Variants in HIVEP1 observed in about 807,000 individuals in gnomAD.
HIVEP1 encodes HIVEP zinc finger 1, also known as zinc finger protein 40.
A neutral mutation model predicts 180.0 loss-of-function variants in HIVEP1; 36 were observed. The observed-to-expected ratio is 0.20, with a 90% CI of 0.15 to 0.26. The LOEUF (loss-of-function observed/expected upper bound fraction) is 0.26, where lower values mean the gene tolerates loss of function less well. HIVEP1 is among the 10% of genes least tolerant of loss of function. HIVEP1 has a pLI of 1.00. For synonymous variants in HIVEP1, 1,239 were observed against 1,239.0 expected (o/e 1.00, Z 0.00); for missense variants, 3,143 against 3,268.7 (o/e 0.96, Z 0.94).
chr6:12,042,180 C>G (rs557526817), intron 2 of HIVEP1, among the ~76,000 whole-genome samples: 4 of 149,512 alleles, frequency 2.7e-5, no homozygotes, highest in Admixed American at 1.3e-4. Context: ...CCCGGGTTCA[C>G]GCCATTCTCC....
At chr6:12,199,148 T>C in the HIVEP1 span, among the ~76,000 whole-genome samples, 3 of 152,218 alleles carry the variant, frequency 2.0e-5, no homozygotes, top group African/African-American at 7.2e-5. Flanking sequence ...TAATTGCTTA[T>C]TTGTTCATGG....
intron 2 of HIVEP1, among the ~76,000 whole-genome samples, chr6:12,084,419 T>G (rs1424467018): frequency 1.3e-5 from 2 of 152,158 alleles, no homozygotes; most frequent in Non-Finnish European, 2.9e-5. Context: ...TAAAATGGGT[T>G]GATTGTAAAG....
chr6:12,167,567 G>GTTATATTA (rs1562023362), downstream of HIVEP1, among the ~76,000 whole-genome samples: 2 of 2,726 alleles, frequency 7.3e-4, 1 homozygote, highest in African/African-American at 3.6e-3. Flanking sequence ...TATATTACAT[G>GTTATATTA]CATGTTATAT....
chr6:12,036,083 T>C (rs1296703395), intron 2 of HIVEP1, among the ~76,000 whole-genome samples: 2 of 152,234 alleles, frequency 1.3e-5, no homozygotes, highest in African/African-American at 4.8e-5. Flanking sequence ...CCAGGGCTGC[T>C]GAGGTTGTGT....
intron 2 of HIVEP1, among the ~76,000 whole-genome samples, chr6:12,041,502 T>A (rs1769721274): frequency 6.8e-6 from 1 of 147,514 alleles, no homozygotes; most frequent in Admixed American, 6.7e-5. Flanking sequence ...CTAGCTTACA[T>A]GTTTTTTTTT....
At chr6:12,059,282 C>T (rs751521741) in intron 2 of HIVEP1, among the ~76,000 whole-genome samples, 2 of 152,226 alleles carry the variant, frequency 1.3e-5, no homozygotes, top group African/African-American at 4.8e-5. Flanking sequence ...AAGTGATCCA[C>T]CTGCCTCGGC....
chr6:12,122,332 G>T lies in HIVEP1; in HGVS notation c.2537G>T (p.Gly846Val). The change falls in exon 4 of 9, where the codon GGT becomes GTT. Residue 846 changes from glycine to valine, a missense_variant. Coordinates refer to ENST00000379388, the MANE Select transcript of HIVEP1 (RefSeq NM_002114.4). ...ITRSNSMPTT[G>V]YSAVPANIIP... The stretch of plus-strand genomic sequence containing the variant: ...AGAAGTAATTCCATGCCGACCACAG[G>T]TTATTCAGCAGTACCTGCAAATATA... 1 of 1,614,186 alleles carries T rather than the reference G, an allele frequency of 6.2e-7. No homozygotes were observed. Among genetic ancestry groups the T allele is most frequent in the Non-Finnish European group, 8.5e-7 (1 of 1,180,032 alleles).
At chr6:12,103,613 A>G (rs895789585) in intron 3 of HIVEP1, among the ~76,000 whole-genome samples, 1 of 151,916 alleles carries the variant, frequency 6.6e-6, no homozygotes, top group Non-Finnish European at 1.5e-5. Flanking sequence ...AGCTGTTATT[A>G]TATTTAATAT....
At chr6:12,132,382 T>C (rs1758468676) in intron 6 of HIVEP1, among the ~76,000 whole-genome samples, 1 of 152,056 alleles carries the variant, frequency 6.6e-6, no homozygotes, top group Non-Finnish European at 1.5e-5. Flanking sequence ...TGTTATCAAA[T>C]ACAAGAAGAT....
intron 2 of HIVEP1, among the ~76,000 whole-genome samples, chr6:12,074,275 A>G (rs929084949): frequency 6.6e-6 from 1 of 152,104 alleles, no homozygotes; most frequent in South Asian, 2.1e-4. Flanking sequence ...TTTCCTGTCT[A>G]CTCTCTTCCA....
chr6:12,150,646 A>G (rs375049423), intron 7 of HIVEP1, among the ~76,000 whole-genome samples: 4 of 152,302 alleles, frequency 2.6e-5, no homozygotes, highest in East Asian at 1.9e-4. Flanking sequence ...TGAAACCATA[A>G]TAGGCTTTAG....
intron 2 of HIVEP1, among the ~76,000 whole-genome samples, chr6:12,045,152 A>C (rs1407954289): frequency 6.6e-6 from 1 of 152,160 alleles, no homozygotes; most frequent in East Asian, 1.9e-4. Context: ...AACCCTCGCC[A>C]TCTACTGGGC....
At chr6:12,207,371 T>C in the HIVEP1 span, among the ~76,000 whole-genome samples, 2 of 152,210 alleles carry the variant, frequency 1.3e-5, no homozygotes, top group African/African-American at 4.8e-5. Context: ...ATATGAATGT[T>C]CAATAAATAT....
intron 2 of HIVEP1, among the ~76,000 whole-genome samples, chr6:12,042,131 C>A (rs1215963942): frequency 1.4e-5 from 2 of 146,142 alleles, no homozygotes; most frequent in Admixed American, 6.8e-5. Context: ...GGACTGCGGA[C>A]TGCAGTGGCG....
In HIVEP1 at chr6:12,163,961, A is replaced by G. The variant is rs757821131; in HGVS notation, c.7657A>G (p.Thr2553Ala). 6.2e-7 allele frequency: 1 copy of G among 1,613,952 alleles called. No homozygotes were observed. Among genetic ancestry groups the G allele is most frequent in the South Asian group, 1.1e-5 (1 of 91,078 alleles). ...CCAGATCTTGAACATAGCATTGCCC[A>G]CCTTAATCCCCTCAGTCAGTCAAGT... is the stretch of plus-strand genomic sequence containing the variant. Reference protein sequence around the residue: ...GLQILNIALPTLIPSVSQVAV... With the variant: ...GLQILNIALPALIPSVSQVAV... The change falls in exon 9 of 9, where the codon ACC becomes GCC. Residue 2553 changes from threonine (T) to alanine (A), a missense_variant. Physicochemically the swap from Thr to Ala is moderately conservative, Grantham distance 58. Transcript: ENST00000379388.
chr6:12,203,538 T>C, the HIVEP1 span, among the ~76,000 whole-genome samples: 60,934 of 151,688 alleles, frequency 0.4, 12,641 homozygotes, highest in East Asian at 0.56. Flanking sequence ...AGTTTATTAT[T>C]ATAGAGGTGA....
chr6:12,149,667 T>A (rs1300364893), intron 7 of HIVEP1, among the ~76,000 whole-genome samples: 1 of 152,142 alleles, frequency 6.6e-6, no homozygotes, highest in Non-Finnish European at 1.5e-5. Context: ...TCACTAAAGG[T>A]TTTCTCCATA....
chr6:12,170,122 AAAAG>A, the HIVEP1 span, among the ~76,000 whole-genome samples: 2 of 144,012 alleles, frequency 1.4e-5, no homozygotes, highest in East Asian at 3.9e-4. Flanking sequence ...CTCTATCTCA[AAAAG>A]AAAAAAAAAA....
chr6:12,183,091 G>C, the HIVEP1 span, among the ~76,000 whole-genome samples: 2 of 152,154 alleles, frequency 1.3e-5, no homozygotes, highest in Admixed American at 1.3e-4. Flanking sequence ...TATAAAAAAA[G>C]AAAATGTGCT....
Sources: gnomAD v4.1 joint callset for allele counts (sites outside exome capture counted in the v4.1 genomes callset) on GRCh38, gnomAD v4.1.1 for gene constraint, MANE v1.5 for transcripts, NCBI Gene and HGNC (gene_info 2026-07-23, HGNC 2026-07-21) for gene names.